ARHGAP31: variants seen among roughly 807,000 people sequenced by gnomAD.
The protein encoded by ARHGAP31 is Rho GTPase activating protein 31.
A neutral mutation model predicts 113.9 loss-of-function variants in ARHGAP31; 34 were observed. The observed-to-expected ratio is 0.30, with a 90% CI of 0.23 to 0.40. ARHGAP31 has a LOEUF of 0.40. Among genes scored for constraint, ARHGAP31 ranks in the 10% least tolerant of loss-of-function variants. The probability of loss-of-function intolerance (pLI) is 1.00; values close to 1 mark genes in which losing one functional copy is unlikely to be tolerated. For missense variants in ARHGAP31, 1,548 were observed against 1,767.1 expected (o/e 0.88, Z 2.22); for synonymous variants, 650 against 684.8 (o/e 0.95, Z 0.79).
At chr3:119,364,570 G>C (rs2080237932) in intron 1 of ARHGAP31, among the ~76,000 whole-genome samples, 1 of 152,256 alleles carries the variant, frequency 6.6e-6, no homozygotes, top group East Asian at 1.9e-4. Context: ...CACCCAGAGG[G>C]TTGTTAAAAG....
At chr3:119,335,663 C>T (rs546855503) in intron 1 of ARHGAP31, among the ~76,000 whole-genome samples, 31 of 152,256 alleles carry the variant, frequency 2.0e-4, no homozygotes, top group Non-Finnish European at 3.5e-4. Context: ...GGTCTGCACT[C>T]TGAGGAGGAG....
intron 1 of ARHGAP31, among the ~76,000 whole-genome samples, chr3:119,347,308 G>C (rs1333441441): frequency 6.6e-6 from 1 of 152,208 alleles, no homozygotes; most frequent in East Asian, 1.9e-4. Flanking sequence ...TGTAAGTTGA[G>C]TAAGACAGAC....
intron 1 of ARHGAP31, among the ~76,000 whole-genome samples, chr3:119,323,375 G>A (rs1040387623): frequency 2.0e-5 from 3 of 152,228 alleles, no homozygotes; most frequent in Admixed American, 2.0e-4. Context: ...GCGCCCCAGG[G>A]CTGCGGCCAC....
chr3:119,303,301 A>C (rs145435783), intron 1 of ARHGAP31, among the ~76,000 whole-genome samples: 1 of 152,198 alleles, frequency 6.6e-6, no homozygotes, highest in Non-Finnish European at 1.5e-5. Flanking sequence ...CAGGAATCCA[A>C]TTGCTTAATG....
chr3:119,401,827 G>A lies in ARHGAP31; in HGVS notation c.1075G>A (p.Glu359Lys). The change falls in exon 10 of 12, where the codon GAA becomes AAA. Residue 359 changes from glutamate (E) to lysine (K), a missense_variant. By Grantham distance (56) the Glu-to-Lys change is moderately conservative (BLOSUM62 1). Transcript: ENST00000264245. ...SLCSVPVEGK[E>K]TKGNFNRTVT... ...CACTTGTTCCTTTTTACTAGGAAAAGAAACCAAGGGAAATTTCAATCGAAC... is the reference window on the plus strand; with the variant it reads ...CACTTGTTCCTTTTTACTAGGAAAAAAAACCAAGGGAAATTTCAATCGAAC... The A allele has an allele frequency of 1.2e-6, 2 of 1,613,996 alleles. No homozygotes were observed. The highest frequency in any genetic ancestry group is 1.7e-6 in the Non-Finnish European group (2 of 1,180,034).
intron 8 of ARHGAP31, among the ~76,000 whole-genome samples, chr3:119,398,027 G>A (rs1215715411): frequency 6.6e-6 from 1 of 152,144 alleles, no homozygotes; most frequent in Non-Finnish European, 1.5e-5. Flanking sequence ...GTCACTTTGG[G>A]AGGCCAAGGC....
Position 119,414,903 on chromosome 3 carries a change from C to T in ARHGAP31, c.2974C>T (p.Pro992Ser), listed in dbSNP as rs2080758931. Reference protein sequence around the residue: ...RNSDPLQPQAPRREITGWDEK... With the variant: ...RNSDPLQPQASRREITGWDEK... ...TTCTGACCCTCTTCAGCCCCAGGCA[C>T]CCAGGAGAGAGATTACTGGATGGGA... The change falls in exon 12 of 12, where the codon CCC becomes TCC. Residue 992 changes from proline (P) to serine (S), a missense_variant. Coordinates refer to ENST00000264245, the MANE Select transcript of ARHGAP31 (RefSeq NM_020754.4). The T allele has an allele frequency of 1.2e-6, 2 of 1,614,052 alleles. No homozygotes were observed. Among genetic ancestry groups the T allele is most frequent in the East Asian group, 2.2e-5 (1 of 44,888 alleles).
chr3:119,354,992 G>T (rs2080143278), intron 1 of ARHGAP31, among the ~76,000 whole-genome samples: 1 of 151,960 alleles, frequency 6.6e-6, no homozygotes, highest in South Asian at 2.1e-4. Context: ...GGCAGTCAAC[G>T]GCAAGGAGCC....
intron 1 of ARHGAP31, among the ~76,000 whole-genome samples, chr3:119,360,502 G>A (rs770750636): frequency 2.4e-4 from 37 of 152,194 alleles, no homozygotes; most frequent in Non-Finnish European, 3.2e-4. Flanking sequence ...AGGCACACAG[G>A]GAACTGAGGC....
At chr3:119,398,476 C>T (rs2080570915) in intron 8 of ARHGAP31, among the ~76,000 whole-genome samples, 1 of 152,126 alleles carries the variant, frequency 6.6e-6, no homozygotes, top group Admixed American at 6.5e-5. Context: ...ACCTTTCAGC[C>T]AGTTCTGTTC....
chr3:119,297,906 A>T (rs1352754822), intron 1 of ARHGAP31, among the ~76,000 whole-genome samples: 1 of 123,434 alleles, frequency 8.1e-6, no homozygotes, highest in Middle Eastern at 3.7e-3. Context: ...CCCTTTCCTT[A>T]GAAACACACA....
intron 1 of ARHGAP31, among the ~76,000 whole-genome samples, chr3:119,337,604 T>TGATTGGTCCGTTTTACAGAGTGCA (rs1430825466): frequency 6.6e-6 from 1 of 152,182 alleles, no homozygotes; most frequent in Admixed American, 6.5e-5. Context: ...TACAGAGAGC[T>TGATTGGTCCGTTTTACAGAGTGCA]GATTGGTCCG....
chr3:119,388,238 T>C (rs985498200), intron 6 of ARHGAP31, among the ~76,000 whole-genome samples: 3 of 151,268 alleles, frequency 2.0e-5, no homozygotes, highest in Non-Finnish European at 4.4e-5. Flanking sequence ...CTATTTTTTT[T>C]ATATATTTGC....
intron 1 of ARHGAP31, among the ~76,000 whole-genome samples, chr3:119,320,371 T>TA (rs2079772010): frequency 6.6e-6 from 1 of 152,142 alleles, no homozygotes. Flanking sequence ...ACATGATCAT[T>TA]AGGCATTTTC....
rs769051277 is a variant in ARHGAP31 at position 119,414,264 on chromosome 3, C to T, written c.2335C>T (p.Pro779Ser). The change falls in exon 12 of 12, where the codon CCT becomes TCT. Residue 779 changes from proline (P) to serine (S), a missense_variant. Transcript: ENST00000264245. ...VEVGGPGNLS[P>S]PLPPAPPPPT... ...AGTAGGAGGCCCAGGCAATCTGTCT[C>T]CTCCACTCCCACCTGCTCCTCCCCC... 3.1e-6 allele frequency: 5 copies of T among 1,614,088 alleles called. No individual in the cohort carries two copies. The African/African-American group carries it at 4.0e-5, about 13-fold the overall frequency.
At chr3:119,360,511 G>C (rs1330794891) in intron 1 of ARHGAP31, among the ~76,000 whole-genome samples, 1 of 152,222 alleles carries the variant, frequency 6.6e-6, no homozygotes, top group East Asian at 1.9e-4. Context: ...GGGAACTGAG[G>C]CAGCTTAGCA....
intron 1 of ARHGAP31, among the ~76,000 whole-genome samples, chr3:119,301,834 A>C (rs1435132742): frequency 6.6e-6 from 1 of 152,106 alleles, no homozygotes; most frequent in East Asian, 1.9e-4. Flanking sequence ...TTCTGGAACA[A>C]AGTAGTGATA....
intron 1 of ARHGAP31, among the ~76,000 whole-genome samples, chr3:119,337,817 C>T (rs753917164): frequency 1.3e-5 from 2 of 152,042 alleles, no homozygotes; most frequent in African/African-American, 2.4e-5. Context: ...GTTTACAAAC[C>T]TTTAGCTAGA....
At chr3:119,390,689 C>A in intron 6 of ARHGAP31, 96 bp from the exon 7 acceptor site, 1 of 1,367,952 alleles carries the variant, frequency 7.3e-7, no homozygotes, top group Non-Finnish European at 1.0e-6. Context: ...CAGCCCCCAT[C>A]ATAGGATCAA....
Sources: gnomAD v4.1 joint callset for allele counts (sites outside exome capture counted in the v4.1 genomes callset) on GRCh38, gnomAD v4.1.1 for gene constraint, MANE v1.5 for transcripts, NCBI Gene and HGNC (gene_info 2026-07-23, HGNC 2026-07-21) for gene names.